The following PDE4D variants were observed in gnomAD, a reference collection of about 807,000 sequenced individuals.
PDE4D encodes the protein phosphodiesterase 4D.
PDE4D carries 24 observed loss-of-function variants against 87.4 expected under a neutral mutation model. That is an observed-to-expected ratio of 0.27 (90% CI 0.20 to 0.39). PDE4D has a LOEUF of 0.39. Among genes scored for constraint, PDE4D ranks in the 10% least tolerant of loss-of-function variants. PDE4D has a pLI of 1.00. For synonymous variants in PDE4D, 384 were observed against 383.2 expected (o/e 1.00, Z -0.02); for missense variants, 714 against 1,041.0 (o/e 0.69, Z 4.32).
intron 1 of PDE4D, among the ~76,000 whole-genome samples, chr5:60,224,936 G>A (rs1744917939): frequency 6.6e-6 from 1 of 151,924 alleles, no homozygotes; most frequent in African/African-American, 2.4e-5. Flanking sequence ...CTTGGCCCAA[G>A]ATACCACATC....
intron 1 of PDE4D, among the ~76,000 whole-genome samples, chr5:60,359,408 A>T (rs58704174): frequency 0.047 from 7,110 of 152,284 alleles, 203 homozygotes; most frequent in East Asian, 0.12. Flanking sequence ...ACCCCATCTC[A>T]ATAAAATAAA....
intron 5 of PDE4D, among the ~76,000 whole-genome samples, chr5:59,102,046 T>A (rs1770820341): frequency 6.6e-6 from 1 of 151,834 alleles, no homozygotes; most frequent in Non-Finnish European, 1.5e-5. Flanking sequence ...ATTTACTAAT[T>A]TGCAGTACCT....
At chr5:59,657,217 T>C (rs1444791437) in intron 1 of PDE4D, among the ~76,000 whole-genome samples, 2 of 152,242 alleles carry the variant, frequency 1.3e-5, no homozygotes, top group African/African-American at 4.8e-5. Flanking sequence ...GACCATTTGC[T>C]ATGTTATGAA....
chr5:59,283,669 C>G (rs545611), intron 1 of PDE4D, among the ~76,000 whole-genome samples: 46,827 of 151,928 alleles, frequency 0.31, 9,095 homozygotes, highest in East Asian at 0.68. Flanking sequence ...ACCTTTCTCC[C>G]ACTTCCCTGC....
At chr5:59,710,462 A>C (rs1010460835) in intron 1 of PDE4D, among the ~76,000 whole-genome samples, 1 of 152,214 alleles carries the variant, frequency 6.6e-6, no homozygotes, top group Admixed American at 6.6e-5. Flanking sequence ...TGCAATGAGC[A>C]TGTCTATGGC....
At chr5:60,258,500 A>C (rs1749328593) in intron 1 of PDE4D, among the ~76,000 whole-genome samples, 1 of 152,028 alleles carries the variant, frequency 6.6e-6, no homozygotes. Flanking sequence ...TGAATTTGGA[A>C]TGTTCATACA....
At chr5:59,516,354 G>T (rs1015341850) in intron 1 of PDE4D, among the ~76,000 whole-genome samples, 1 of 152,058 alleles carries the variant, frequency 6.6e-6, no homozygotes, top group African/African-American at 2.4e-5. Flanking sequence ...CTGGCAATAG[G>T]CCTTCAACAC....
intron 1 of PDE4D, among the ~76,000 whole-genome samples, chr5:59,718,193 A>T (rs957804310): frequency 6.6e-5 from 10 of 152,106 alleles, no homozygotes; most frequent in Non-Finnish European, 1.0e-4. Flanking sequence ...TGAAGATTCC[A>T]TTTTGTTTCA....
intron 1 of PDE4D, among the ~76,000 whole-genome samples, chr5:60,322,406 ACAC>A (rs1562323163): frequency 9.4e-5 from 13 of 137,618 alleles, no homozygotes; most frequent in African/African-American, 3.5e-4. Context: ...ACACACACAC[ACAC>A]ACACACAAAA....
intron 2 of PDE4D, among the ~76,000 whole-genome samples, chr5:60,014,124 G>A (rs1171237119): frequency 6.8e-6 from 1 of 147,968 alleles, no homozygotes; most frequent in Non-Finnish European, 1.5e-5. Flanking sequence ...AGTCTGACCA[G>A]TCTGAATCAG....
At chr5:60,272,660 G>C (rs1324567274) in intron 1 of PDE4D, among the ~76,000 whole-genome samples, 1 of 152,182 alleles carries the variant, frequency 6.6e-6, no homozygotes, top group African/African-American at 2.4e-5. Flanking sequence ...GACTCAGAAC[G>C]TGGAATTGTA....
intron 1 of PDE4D, among the ~76,000 whole-genome samples, chr5:59,584,020 G>A (rs115201015): frequency 1.1e-3 from 170 of 152,252 alleles, no homozygotes; most frequent in African/African-American, 3.9e-3. Flanking sequence ...GTCCCTTCAC[G>A]AAGAAAAGGC....
chr5:60,154,482 G>A (rs1412481150), intron 2 of PDE4D, among the ~76,000 whole-genome samples: 1 of 152,050 alleles, frequency 6.6e-6, no homozygotes, highest in African/African-American at 2.4e-5. Flanking sequence ...CACCATCTTG[G>A]CCAGGCTGGT....
chr5:59,099,920 A>C (rs1225786342), intron 5 of PDE4D, among the ~76,000 whole-genome samples: 1 of 152,180 alleles, frequency 6.6e-6, no homozygotes, highest in Non-Finnish European at 1.5e-5. Context: ...CAGCACTTTG[A>C]GATACATTAT....
intron 1 of PDE4D, among the ~76,000 whole-genome samples, chr5:60,496,215 T>G (rs895203182): frequency 6.6e-6 from 1 of 152,208 alleles, no homozygotes; most frequent in East Asian, 1.9e-4. Flanking sequence ...CTCCTGAGTA[T>G]AGGACAAAGC....
chr5:59,833,784 A>C (rs1741603958), intron 1 of PDE4D, among the ~76,000 whole-genome samples: 1 of 152,048 alleles, frequency 6.6e-6, no homozygotes, highest in Admixed American at 6.6e-5. Context: ...GGATTATAAA[A>C]ACCACTATGC....
chr5:59,350,402 C>A (rs1267557167), intron 1 of PDE4D, among the ~76,000 whole-genome samples: 2 of 152,118 alleles, frequency 1.3e-5, no homozygotes, highest in African/African-American at 2.4e-5. Context: ...AGTTGCATGA[C>A]CCTGGGGCCT....
At chr5:60,018,907 C>T (rs1050080832) in intron 2 of PDE4D, among the ~76,000 whole-genome samples, 1 of 152,090 alleles carries the variant, frequency 6.6e-6, no homozygotes, top group Admixed American at 6.5e-5. Context: ...ACCCTACTGT[C>T]AATATTAGGC....
intron 2 of PDE4D, among the ~76,000 whole-genome samples, chr5:60,155,527 T>C (rs1033927099): frequency 2.6e-5 from 4 of 152,228 alleles, no homozygotes; most frequent in African/African-American, 9.6e-5. Context: ...TCATATGAGA[T>C]GATATGGCTC....
Sources: gnomAD v4.1 joint callset for allele counts (sites outside exome capture counted in the v4.1 genomes callset) on GRCh38, gnomAD v4.1.1 for gene constraint, MANE v1.5 for transcripts, NCBI Gene and HGNC (gene_info 2026-07-23, HGNC 2026-07-21) for gene names.